SNX31: variants seen among roughly 807,000 people sequenced by gnomAD.
The protein encoded by SNX31 is sorting nexin-31.
In SNX31, 58 loss-of-function variants were observed where a neutral mutation model predicts 65.4. The ratio of observed to expected loss-of-function variants is 0.89; its 90% CI spans 0.72 to 1.10. The LOEUF (loss-of-function observed/expected upper bound fraction) is 1.10. SNX31 is among the 50% of genes least tolerant of loss of function. The probability of loss-of-function intolerance (pLI) is 0.00; values close to 1 mark genes in which losing one functional copy is unlikely to be tolerated. For synonymous variants in SNX31, 181 were observed against 190.1 expected, an observed-to-expected ratio of 0.95 and a Z score of 0.39; for missense variants, 523 against 529.7, an observed-to-expected ratio of 0.99 and a Z score of 0.12.
rs187579846 is a variant in SNX31, at chr8:100,611,853, G to A, written c.611+147C>T. The A allele has an allele frequency of 4.8e-3, 3,111 of 641,450 alleles. 13 individuals are homozygous for A. The highest frequency in any genetic ancestry group is 7.5e-3 in the Non-Finnish European group (2,700 of 361,204). The allele number at this position is 641,450 out of a possible 1,614,324, so 39.7% of individuals were successfully genotyped here. On this transcript the variant is annotated intron_variant, in intron 7 of 13. Coordinates refer to ENST00000311812, the MANE Select transcript of SNX31 (RefSeq NM_152628.4). ...TTATAGGCATAAGCCACAGCACCTGGCCTTCATTGCTTTTCTCAGAGCCTT... is the reference window on the plus strand; with the variant it reads ...TTATAGGCATAAGCCACAGCACCTGACCTTCATTGCTTTTCTCAGAGCCTT...
In SNX31 at chr8:100,612,109, T is replaced by C. The variant is rs1199719246; in HGVS notation, c.524-22A>G. The C allele has an allele frequency of 6.4e-7, 1 of 1,555,924 alleles. No individual in the cohort carries two copies. On this transcript the variant is annotated intron_variant, in intron 6 of 13. Coordinates refer to ENST00000311812, the MANE Select transcript of SNX31 (RefSeq NM_152628.4). This position sits in a 1 kb window ranked among gnomAD's most constrained non-coding sequence, Gnocchi z 4.3. ...ACAACTAGAGAAAGGAGAAAGCCGGTCTTACTGGTTGAAACAGCACAGACA... is the reference window on the plus strand; with the variant it reads ...ACAACTAGAGAAAGGAGAAAGCCGGCCTTACTGGTTGAAACAGCACAGACA...
chr8:100,644,918 C>T (rs144279471), intron 2 of SNX31, among the ~76,000 whole-genome samples: 2,088 of 152,356 alleles, frequency 0.014, 52 homozygotes, highest in African/African-American at 0.047. Context: ...CCACCTTGGC[C>T]TCCCAAAATG....
rs1587002241 is a variant in SNX31 at position 100,626,606 on chromosome 8, C to A, written c.321+3721G>T. 6.6e-6 allele frequency among the ~76,000 whole-genome samples: 1 copy of A among 152,274 alleles called. No homozygotes were observed. Among genetic ancestry groups the A allele is most frequent in the East Asian group, 1.9e-4 (1 of 5,180 alleles). On this transcript the variant is annotated intron_variant, in intron 4 of 13. Transcript: ENST00000311812. This position sits in a 1 kb window ranked among gnomAD's most constrained non-coding sequence, Gnocchi z 4.4. ...TTCAACTCAGGCCCCCTCCCCAGTA[C>A]TATGTGTCAGCAAACAGCTAGCTCA...
At position 100,574,108 on chromosome 8, in the gene SNX31, C is replaced by T. The variant is rs563536116; in HGVS notation, c.1228-148G>A. ...AATGGTTATTTTAAACAGTTTTATTCTGTAGAAGCTTTATTTTGGGGTGAG... is the reference window on the plus strand; with the variant it reads ...AATGGTTATTTTAAACAGTTTTATTTTGTAGAAGCTTTATTTTGGGGTGAG... On this transcript the variant is annotated intron_variant, in intron 13 of 13. Transcript: ENST00000311812. 39 of 513,510 alleles carry T rather than the reference C, an allele frequency of 7.6e-5. No homozygotes were observed. In the Admixed American group the frequency reaches 1.5e-3, roughly 20 times the overall value. The allele number at this position is 513,510 out of a possible 1,614,324, so 31.8% of individuals were successfully genotyped here.
At chr8:100,623,562 G>T (rs561475620) in intron 4 of SNX31, among the ~76,000 whole-genome samples, 1 of 152,244 alleles carries the variant, frequency 6.6e-6, no homozygotes, top group South Asian at 2.1e-4. Flanking sequence ...AAAACAGCAA[G>T]ATGGGAACTT....
At position 100,588,483 on chromosome 8, in the gene SNX31, C is replaced by A. The variant is rs976807177; in HGVS notation, c.1092+383G>T. On this transcript the variant is annotated intron_variant, in intron 11 of 13. Transcript: ENST00000311812. This position sits in a 1 kb window ranked among gnomAD's most constrained non-coding sequence, Gnocchi z 4.8. ...TAAATAAAGTTTTATTGGAACATAG[C>A]CAGACTCACTTGTTTATATACTGCC... 6.6e-6 allele frequency among the ~76,000 whole-genome samples: 1 copy of A among 152,186 alleles called. No individual in the cohort carries two copies. The highest frequency in any genetic ancestry group is 1.5e-5 in the Non-Finnish European group (1 of 68,032).
intron 8 of SNX31, among the ~76,000 whole-genome samples, 163 bp downstream of exon 8, chr8:100,608,331 C>CG (rs1032244659): frequency 2.0e-5 from 3 of 151,936 alleles, no homozygotes; most frequent in African/African-American, 7.3e-5. Flanking sequence ...TCTTCTCCAC[C>CG]CCCCACAGCC....
chr8:100,605,878 T>C (rs1816107354), intron 8 of SNX31, among the ~76,000 whole-genome samples: 1 of 152,168 alleles, frequency 6.6e-6, no homozygotes, highest in African/African-American at 2.4e-5. Flanking sequence ...ACAGGAACGA[T>C]ATTAGAATTA....
Position 100,594,338 on chromosome 8 carries a change from C to A in SNX31, c.978+2301G>T, listed in dbSNP as rs1814865197. ...CCAAAACAAGGAAACAGACAAACAA[C>A]AACAACAACAACAAAACCGAAACTA... On this transcript the variant is annotated intron_variant, in intron 10 of 13. Transcript: ENST00000311812. The surrounding 1 kb of genome is among the most constrained non-coding windows in gnomAD (Gnocchi z 4.0). 6.6e-6 allele frequency among the ~76,000 whole-genome samples: 1 copy of A among 151,928 alleles called. No individual in the cohort carries two copies. The highest frequency in any genetic ancestry group is 2.4e-5 in the African/African-American group (1 of 41,360).
intron 10 of SNX31, among the ~76,000 whole-genome samples, chr8:100,591,421 G>A (rs1051017166): frequency 4.0e-5 from 6 of 150,866 alleles, no homozygotes; most frequent in African/African-American, 7.3e-5. Context: ...CCCGGGAGGC[G>A]GAGCTTGCAG....
intron 1 of SNX31, among the ~76,000 whole-genome samples, chr8:100,656,007 TG>T (rs1820048011): frequency 6.6e-6 from 1 of 152,148 alleles, no homozygotes; most frequent in East Asian, 1.9e-4. Flanking sequence ...GTGGGAGGCC[TG>T]GGTGGCATCA....
intron 8 of SNX31, among the ~76,000 whole-genome samples, chr8:100,605,733 A>T (rs1221918580): frequency 6.6e-6 from 1 of 152,202 alleles, no homozygotes; most frequent in Admixed American, 6.5e-5. Flanking sequence ...GAGCAGAGGA[A>T]GTACCATCAT....
At chr8:100,652,624 G>T (rs1819994824), upstream of SNX31, among the ~76,000 whole-genome samples, 1 of 152,134 alleles carries the variant, frequency 6.6e-6, no homozygotes, top group African/African-American at 2.4e-5. Context: ...GGCATTATTT[G>T]CATGTTGCCT....
chr8:100,637,092 C>T (rs1818830207), intron 2 of SNX31, among the ~76,000 whole-genome samples: 1 of 152,172 alleles, frequency 6.6e-6, no homozygotes, highest in Admixed American at 6.5e-5. Flanking sequence ...CATATGATCC[C>T]AAGTAGAAAC....
chr8:100,597,351 C>T (rs1239013349), intron 9 of SNX31, among the ~76,000 whole-genome samples: 1 of 152,036 alleles, frequency 6.6e-6, no homozygotes, highest in African/African-American at 2.4e-5. Flanking sequence ...AAGTGATTAT[C>T]CTGCCTCAGC....
rs190327345 is a variant in SNX31 at position 100,588,218 on chromosome 8, A to G, written c.1092+648T>C. Among the ~76,000 whole-genome samples the G allele has an allele frequency of 2.3e-3, 345 of 152,372 alleles. 1 individual carries two copies. Among genetic ancestry groups the G allele is most frequent in the South Asian group, 8.3e-3 (40 of 4,834 alleles). Reference sequence around the variant, plus strand: ...CATTGACCAAAATGTTATGTACCACATGAATGTATATGCAAATATTTCAAG... The same window carrying G: ...CATTGACCAAAATGTTATGTACCACGTGAATGTATATGCAAATATTTCAAG... On this transcript the variant is annotated intron_variant, in intron 11 of 13. Transcript: ENST00000311812. The surrounding 1 kb of genome is among the most constrained non-coding windows in gnomAD (Gnocchi z 4.8).
In SNX31 at chr8:100,622,960, G is replaced by C. The variant is rs917463897; in HGVS notation, c.322-5230C>G. 5.8e-4 allele frequency among the ~76,000 whole-genome samples: 89 copies of C among 152,202 alleles called. 4 individuals carry two copies. Among genetic ancestry groups the C allele is most frequent in the Non-Finnish European group, 4.4e-5 (3 of 68,042 alleles). On this transcript the variant is annotated intron_variant, in intron 4 of 13. Coordinates refer to ENST00000311812, the MANE Select transcript of SNX31 (RefSeq NM_152628.4). This position sits in a 1 kb window ranked among gnomAD's most constrained non-coding sequence, Gnocchi z 5.0. ...TTGGCCAGGATGGACAAATCAGTTG[G>C]CAGCTGCACTCACCTTCCTTCCACC...
chr8:100,582,987 AAAAAG>A (rs529642724), intron 12 of SNX31, among the ~76,000 whole-genome samples: 110 of 152,062 alleles, frequency 7.2e-4, no homozygotes, highest in African/African-American at 2.0e-3. Context: ...ATCTAAAAAA[AAAAAG>A]AAAAGAAAAG....
intron 12 of SNX31, among the ~76,000 whole-genome samples, chr8:100,581,325 C>CTATA (rs1401988460): frequency 0.011 from 1,396 of 129,160 alleles, 38 homozygotes; most frequent in East Asian, 0.055. Context: ...ATATCTATAT[C>CTATA]TATCTATCTA....
Sources: gnomAD v4.1 joint callset for allele counts (sites outside exome capture counted in the v4.1 genomes callset) on GRCh38, gnomAD v4.1.1 for gene constraint, Gnocchi (gnomAD v3.1) non-coding constraint, MANE v1.5 for transcripts, NCBI Gene and HGNC (gene_info 2026-07-23, HGNC 2026-07-21) for gene names.